Variants in ANKRD30BL observed in about 807,000 individuals in gnomAD.
The protein encoded by ANKRD30BL is ankyrin repeat domain 30B like.
In ANKRD30BL, 20 loss-of-function variants were observed where a neutral mutation model predicts 18.4. The observed-to-expected ratio is 1.09, with a 90% CI of 0.77 to 1.58. The LOEUF is 1.58. ANKRD30BL is among the 40% of genes most tolerant of loss of function. The probability of loss-of-function intolerance (pLI) is 0.00; values close to 1 mark genes in which losing one functional copy is unlikely to be tolerated. For missense variants in ANKRD30BL, 224 were observed against 268.6 expected, an observed-to-expected ratio of 0.83 and a Z score of 1.16; for synonymous variants, 72 against 100.9, an observed-to-expected ratio of 0.71 and a Z score of 1.72.
Position 132,221,606 on chromosome 2 carries a change from C to T in ANKRD30BL, n.441+35923G>A, listed in dbSNP as rs1399035554. Among the ~76,000 whole-genome samples the T allele has an allele frequency of 6.1e-5, 8 of 131,778 alleles. 1 individual carries two copies. The highest frequency in any genetic ancestry group is 2.3e-4 in the South Asian group (1 of 4,274). 86.5% of individuals were successfully genotyped at this position (131,778 alleles called of 152,430 possible). A position where few individuals can be genotyped will look rare whatever the true frequency, so the allele number is the denominator to read the frequency against. ...CTGGGAGGGAGGTGGGGGGATCAGC[C>T]CCCCGCCCGGCCAGCCGCCCAGTCC... On this transcript the variant is annotated intron_variant and non_coding_transcript_variant, in intron 1 of 4. Transcript: ENST00000470729.
intron 1 of ANKRD30BL, among the ~76,000 whole-genome samples, chr2:132,234,898 G>T (rs1680113704): frequency 6.6e-6 from 1 of 152,134 alleles, no homozygotes. Context: ...GAGAATTTTA[G>T]ACCAATATCC....
intron 1 of ANKRD30BL, among the ~76,000 whole-genome samples, chr2:132,241,912 AAC>A (rs577620091): frequency 0.037 from 5,691 of 152,030 alleles, 338 homozygotes; most frequent in African/African-American, 0.13. Context: ...GATTGCATTC[AAC>A]TCACAGAGTT....
intron 1 of ANKRD30BL, among the ~76,000 whole-genome samples, chr2:132,190,936 A>G (rs1343200500): frequency 6.6e-6 from 1 of 152,126 alleles, no homozygotes; most frequent in African/African-American, 2.4e-5. Context: ...GAAGCAAATT[A>G]ATGTTTTAGA....
intron 1 of ANKRD30BL, among the ~76,000 whole-genome samples, chr2:132,225,608 G>A (rs555705655): frequency 6.6e-6 from 1 of 151,312 alleles, no homozygotes; most frequent in African/African-American, 2.4e-5. Flanking sequence ...TTTTTGTAGA[G>A]TCTACAAGTG....
intron 1 of ANKRD30BL, among the ~76,000 whole-genome samples, chr2:132,176,969 G>A (rs1347548255): frequency 3.3e-5 from 5 of 152,060 alleles, no homozygotes; most frequent in Non-Finnish European, 5.9e-5. Flanking sequence ...ATAGATTTAA[G>A]TATTTACCTT....
At chr2:132,160,785 T>C (rs1004315793) in intron 1 of ANKRD30BL, among the ~76,000 whole-genome samples, 2 of 152,064 alleles carry the variant, frequency 1.3e-5, no homozygotes, top group African/African-American at 4.8e-5. Context: ...GCAAGACTTT[T>C]CTACTCCGTT....
At chr2:132,217,388 T>G (rs968747721) in intron 1 of ANKRD30BL, among the ~76,000 whole-genome samples, 1 of 152,120 alleles carries the variant, frequency 6.6e-6, no homozygotes, top group African/African-American at 2.4e-5. Flanking sequence ...AATCTGCAAG[T>G]GGACATTTGG....
At chr2:132,221,649 T>C (rs1429296342) in intron 1 of ANKRD30BL, among the ~76,000 whole-genome samples, 1 of 46,822 alleles carries the variant, frequency 2.1e-5, no homozygotes, top group African/African-American at 1.8e-4. Context: ...AGGTGGGGGG[T>C]TCAGCCCCCC....
intron 1 of ANKRD30BL, among the ~76,000 whole-genome samples, chr2:132,235,014 A>G (rs1193620164): frequency 6.6e-6 from 1 of 152,222 alleles, no homozygotes; most frequent in Non-Finnish European, 1.5e-5. Context: ...CATCCCTGGG[A>G]TGCAAGGCTG....
At chr2:132,153,557 A>T (rs749132531) in intron 4 of ANKRD30BL, 1 of 558,238 alleles carries the variant, frequency 1.8e-6, no homozygotes, top group African/African-American at 1.9e-5. Context: ...AAACACTTAG[A>T]GATTAAATCC....
At chr2:132,207,519 A>T (rs1327645529) in intron 1 of ANKRD30BL, among the ~76,000 whole-genome samples, 1 of 152,134 alleles carries the variant, frequency 6.6e-6, no homozygotes, top group Non-Finnish European at 1.5e-5. Context: ...CCTCCACGTG[A>T]ATTGGTAGAA....
At chr2:132,256,396 C>T (rs62165006) in intron 1 of ANKRD30BL, among the ~76,000 whole-genome samples, 9,253 of 152,140 alleles carry the variant, frequency 0.061, 333 homozygotes, top group South Asian at 0.12. Context: ...ACTCCCGACC[C>T]TTCGTGCCCA....
chr2:132,179,353 A>G (rs1201164721), intron 1 of ANKRD30BL, among the ~76,000 whole-genome samples: 2 of 147,818 alleles, frequency 1.4e-5, no homozygotes, highest in Non-Finnish European at 3.0e-5. Context: ...CCATGGTGTG[A>G]TATCGGCTCA....
chr2:132,178,682 T>G (rs1475372948), intron 1 of ANKRD30BL, among the ~76,000 whole-genome samples: 2 of 152,056 alleles, frequency 1.3e-5, no homozygotes, highest in African/African-American at 2.4e-5. Context: ...TTTAGAAAGG[T>G]TAGTTGTATC....
intron 1 of ANKRD30BL, among the ~76,000 whole-genome samples, chr2:132,202,579 T>C (rs1282644079): frequency 6.6e-6 from 1 of 152,008 alleles, no homozygotes; most frequent in African/African-American, 2.4e-5. Flanking sequence ...TAAATTTATT[T>C]ATATAAATGT....
At chr2:132,257,847 G>C (rs56740690) in exon 1 of ANKRD30BL, 26,090 of 152,176 alleles carry the variant, frequency 0.17, 4,892 homozygotes, top group African/African-American at 0.47. Context: ...CGCAATCCCC[G>C]AAGGGCCCCC....
At chr2:132,158,348 A>G (rs1437884094) in intron 1 of ANKRD30BL, among the ~76,000 whole-genome samples, 1 of 152,240 alleles carries the variant, frequency 6.6e-6, no homozygotes, top group South Asian at 2.1e-4. Flanking sequence ...ATGTAAATTC[A>G]TATTTAAATT....
intron 1 of ANKRD30BL, among the ~76,000 whole-genome samples, chr2:132,232,704 T>A (rs1297926597): frequency 6.6e-6 from 1 of 152,100 alleles, no homozygotes; most frequent in African/African-American, 2.4e-5. Flanking sequence ...CAAATCTACT[T>A]CTGATTGGTG....
chr2:132,228,038 G>A (rs13420921), intron 1 of ANKRD30BL, among the ~76,000 whole-genome samples: 3,067 of 151,976 alleles, frequency 0.02, 96 homozygotes, highest in African/African-American at 0.07. Context: ...TTTGTTGAAT[G>A]GGGAAGTGGA....
Sources: gnomAD v4.1 joint callset for allele counts (sites outside exome capture counted in the v4.1 genomes callset) on GRCh38, gnomAD v4.1.1 for gene constraint, MANE v1.5 for transcripts, NCBI Gene and HGNC (gene_info 2026-07-23, HGNC 2026-07-21) for gene names.